DDX4: variants seen among roughly 807,000 people sequenced by gnomAD.
DDX4 encodes DEAD-box helicase 4.
A neutral mutation model predicts 100.0 loss-of-function variants in DDX4; 25 were observed. The observed-to-expected ratio is 0.25, with a 90% CI of 0.18 to 0.35. DDX4 has a LOEUF of 0.35. Among genes scored for constraint, DDX4 ranks in the 10% least tolerant of loss-of-function variants. The probability of loss-of-function intolerance (pLI) is 1.00; values close to 1 mark genes in which losing one functional copy is unlikely to be tolerated. For missense variants in DDX4, 635 were observed against 882.4 expected, an observed-to-expected ratio of 0.72 and a Z score of 3.55; for synonymous variants, 259 against 275.7, an observed-to-expected ratio of 0.94 and a Z score of 0.60.
chr5:55,783,542 A>G (rs188997035), intron 10 of DDX4, among the ~76,000 whole-genome samples: 9 of 152,286 alleles, frequency 5.9e-5, no homozygotes, highest in Admixed American at 3.9e-4. Flanking sequence ...TCAGTAAACG[A>G]AATTGAAAAT....
intron 7 of DDX4, among the ~76,000 whole-genome samples, chr5:55,778,392 G>A (rs1741701806): frequency 6.6e-6 from 1 of 152,102 alleles, no homozygotes; most frequent in African/African-American, 2.4e-5. Context: ...ACAGAACTTT[G>A]TAGGAAGAAG....
intron 18 of DDX4, among the ~76,000 whole-genome samples, chr5:55,798,851 T>G (rs993422750): frequency 1.1e-4 from 16 of 152,286 alleles, no homozygotes; most frequent in African/African-American, 3.8e-4. Context: ...TTTAGGAAAC[T>G]AGAAAGGCTT....
At chr5:55,796,871 C>T (rs1256180521) in intron 17 of DDX4, among the ~76,000 whole-genome samples, 1 of 108,272 alleles carries the variant, frequency 9.2e-6, no homozygotes, top group Admixed American at 1.3e-4. Flanking sequence ...GACAAGGTCT[C>T]ACTCTTCTCG....
chr5:55,762,308 G>T (rs778007577), intron 4 of DDX4, among the ~76,000 whole-genome samples: 4 of 151,906 alleles, frequency 2.6e-5, no homozygotes, highest in Non-Finnish European at 5.9e-5. Context: ...AATCGTTCTT[G>T]CTATCACATC....
chr5:55,778,723 G>A (rs1300955237), intron 7 of DDX4, among the ~76,000 whole-genome samples: 5 of 151,978 alleles, frequency 3.3e-5, no homozygotes, highest in East Asian at 1.9e-4. Flanking sequence ...GTGAAACCCC[G>A]TCTCTACTGA....
chr5:55,754,733 G>A (rs527544698), intron 3 of DDX4, among the ~76,000 whole-genome samples: 44 of 150,700 alleles, frequency 2.9e-4, no homozygotes, highest in Admixed American at 2.8e-3. Flanking sequence ...GATTGGAATA[G>A]TTTCAGAAGG....
chr5:55,787,737 C>T, intron 14 of DDX4, 109 bp from the exon 15 acceptor site: 3 of 1,172,014 alleles, frequency 2.6e-6, no homozygotes, highest in Non-Finnish European at 3.4e-6. Flanking sequence ...TTAAATTTAC[C>T]AGTAAGATGG....
In DDX4 at chr5:55,785,775, C is replaced by T; in HGVS notation, c.768C>T (p.Asp256=). 6.2e-7 allele frequency: 1 copy of T among 1,610,612 alleles called. No homozygotes were observed. The highest frequency in any genetic ancestry group is 8.5e-7 in the Non-Finnish European group (1 of 1,176,824). ...CCCCTCCTCCACCTGAGGATGAGGA[C>T]TCCATCTTTGCACATTATCAGACAG... ...YIPPPPPEDE[D]SIFAHYQTGI... Residue 256 remains aspartate, a synonymous_variant, in exon 13 of 22, where the codon GAC becomes GAT. Coordinates refer to ENST00000505374, the MANE Select transcript of DDX4 (RefSeq NM_024415.3).
chr5:55,781,143 A>G lies in DDX4; in HGVS notation c.574A>G (p.Thr192Ala), dbSNP rs371918153. 1.9e-6 allele frequency: 3 copies of G among 1,609,220 alleles called. No individual in the cohort carries two copies. In the African/African-American group the frequency reaches 4.0e-5, roughly 22 times the overall value. ...TTCTAGAAGACCAGTATTAAGTGGC[A>G]CAGGTGAGAAATAGAACTTATTACT... ...FGSRRPVLSG[T>A]GNGDTSQSRS... is the part of the protein sequence containing the mutation. Residue 192 changes from threonine to alanine, a missense_variant, in exon 9 of 22, where the codon ACA becomes GCA. Transcript: ENST00000505374.
chr5:55,806,614 G>T (rs1163271437), intron 18 of DDX4, among the ~76,000 whole-genome samples: 5 of 152,182 alleles, frequency 3.3e-5, no homozygotes, highest in Admixed American at 6.5e-5. Context: ...GGTTGTTCAG[G>T]TTCCATGTAG....
intron 3 of DDX4, among the ~76,000 whole-genome samples, chr5:55,755,687 A>G (rs999147900): frequency 2.0e-5 from 3 of 151,882 alleles, no homozygotes; most frequent in Non-Finnish European, 4.4e-5. Context: ...GAATTTGTTC[A>G]TAAAACTGTC....
intron 15 of DDX4, among the ~76,000 whole-genome samples, chr5:55,789,431 CAT>C (rs1244402744): frequency 6.6e-6 from 1 of 152,194 alleles, no homozygotes; most frequent in African/African-American, 2.4e-5. Context: ...TCAAGGCAGT[CAT>C]CTGAGGGCTT....
chr5:55,743,098 A>T (rs1474325335), intron 2 of DDX4, among the ~76,000 whole-genome samples: 2 of 152,202 alleles, frequency 1.3e-5, no homozygotes, highest in South Asian at 2.1e-4. Flanking sequence ...CAAACTGGGT[A>T]ACTTAAAGCA....
chr5:55,803,160 C>T (rs1163438833), intron 18 of DDX4, among the ~76,000 whole-genome samples: 3 of 140,784 alleles, frequency 2.1e-5, no homozygotes, highest in Non-Finnish European at 4.5e-5. Context: ...CAAGTGTTCT[C>T]ATTGTTCAAT....
chr5:55,781,262 C>G (rs1271088354), intron 9 of DDX4, 116 bp downstream of exon 9: 2 of 716,912 alleles, frequency 2.8e-6, no homozygotes, highest in Non-Finnish European at 4.3e-6. Flanking sequence ...ATTTTCTCTG[C>G]TTTTAGATCT....
chr5:55,785,628 C>A, intron 12 of DDX4, 101 bp from the exon 13 acceptor site: 1 of 1,281,506 alleles, frequency 7.8e-7, no homozygotes, highest in Non-Finnish European at 1.1e-6. Flanking sequence ...TGGGAAGTTC[C>A]ATAGTATTTA....
At chr5:55,773,186 A>C (rs1028113305) in intron 7 of DDX4, 1 of 152,448 alleles carries the variant, frequency 6.6e-6, no homozygotes, top group East Asian at 1.9e-4. Flanking sequence ...GTGTCCTCAC[A>C]TGGTGGATAA....
At position 55,761,445 on chromosome 5, in the gene DDX4, T is replaced by G. The variant is rs1580534099; in HGVS notation, c.205+1168T>G. ...TCACTGAGGCAGATTTTACCACAAATTATTTTCATGTTTTAGGTTGAAATA... is the reference window on the plus strand; with the variant it reads ...TCACTGAGGCAGATTTTACCACAAAGTATTTTCATGTTTTAGGTTGAAATA... On this transcript the variant is annotated intron_variant, in intron 4 of 21. Transcript: ENST00000505374. 2.0e-5 allele frequency among the ~76,000 whole-genome samples: 3 copies of G among 152,256 alleles called. No homozygotes were observed. In the South Asian group the frequency reaches 6.2e-4, roughly 32 times the overall value.
At chr5:55,799,388 T>A (rs1320419682) in intron 18 of DDX4, among the ~76,000 whole-genome samples, 2 of 152,158 alleles carry the variant, frequency 1.3e-5, no homozygotes, top group African/African-American at 4.8e-5. Context: ...TTATTTTTAA[T>A]TTTTTGAGAC....
Sources: allele counts gnomAD v4.1 joint callset (sites outside exome capture counted in the v4.1 genomes callset), GRCh38; gene constraint gnomAD v4.1.1; transcripts MANE v1.5; gene names NCBI Gene and HGNC (gene_info 2026-07-23, HGNC 2026-07-21).